The following XKR4 variants were observed in gnomAD, a reference collection of about 807,000 sequenced individuals.
XKR4 encodes the protein XK-related protein 4.
Under a neutral mutation model 53.9 loss-of-function variants are expected in XKR4, and 12 were observed. The ratio of observed to expected loss-of-function variants is 0.22; its 90% CI spans 0.14 to 0.36. XKR4 has a LOEUF of 0.36. Among genes scored for constraint, XKR4 ranks in the 10% least tolerant of loss-of-function variants. XKR4 has a pLI of 1.00. For missense variants in XKR4, 799 were observed against 859.5 expected, an observed-to-expected ratio of 0.93 and a Z score of 0.88; for synonymous variants, 354 against 362.4, an observed-to-expected ratio of 0.98 and a Z score of 0.26.
chr8:55,386,669 G>A (rs1227729379), intron 2 of XKR4, among the ~76,000 whole-genome samples: 1 of 152,198 alleles, frequency 6.6e-6, no homozygotes. Flanking sequence ...TAGCGAAGAG[G>A]AGATAAGTCT....
At chr8:55,492,222 G>A (rs528609984) in intron 2 of XKR4, among the ~76,000 whole-genome samples, 4 of 152,120 alleles carry the variant, frequency 2.6e-5, no homozygotes, top group African/African-American at 9.6e-5. Flanking sequence ...ATTTTTTCCA[G>A]TTGTCTAGTT....
intron 1 of XKR4, among the ~76,000 whole-genome samples, chr8:55,188,421 C>T (rs189199338): frequency 3.6e-4 from 55 of 152,290 alleles, no homozygotes; most frequent in Admixed American, 5.9e-4. Flanking sequence ...TAATAATCCA[C>T]AATTTGTCCA....
chr8:55,120,876 C>T (rs533994419), intron 1 of XKR4, among the ~76,000 whole-genome samples: 1 of 152,312 alleles, frequency 6.6e-6, no homozygotes, highest in Admixed American at 6.5e-5. Context: ...TTCACCTTCC[C>T]TCCATCCCCA....
At position 55,523,559 on chromosome 8, in the gene XKR4, G is replaced by A; in HGVS notation, c.1285G>A (p.Glu429Lys). 1 of 1,614,082 alleles carries A rather than the reference G, an allele frequency of 6.2e-7. No homozygotes were observed. ...CETEFCITKW[E>K]EIVFDMVVGI... is the part of the protein sequence containing the mutation. ...GACAGAATTCTGTATCACCAAATGG[G>A]AAGAGATTGTGTTCGACATGGTGGT... Residue 429 changes from glutamate to lysine, a missense_variant, in exon 3 of 3, where the codon GAA (glutamate) becomes AAA (lysine). Transcript: ENST00000327381.
intron 2 of XKR4, among the ~76,000 whole-genome samples, chr8:55,487,532 T>A (rs1303495245): frequency 6.6e-6 from 1 of 150,926 alleles, no homozygotes; most frequent in Non-Finnish European, 1.5e-5. Flanking sequence ...AGCGGAACAA[T>A]CCTGGCTCAC....
chr8:55,477,384 T>A (rs928469162), intron 2 of XKR4, among the ~76,000 whole-genome samples: 2 of 151,954 alleles, frequency 1.3e-5, no homozygotes, highest in African/African-American at 4.8e-5. Context: ...AGAAAGTACA[T>A]CCACACCAAA....
intron 1 of XKR4, among the ~76,000 whole-genome samples, chr8:55,224,553 A>G (rs1817927202): frequency 6.6e-6 from 1 of 152,190 alleles, no homozygotes; most frequent in Non-Finnish European, 1.5e-5. Context: ...CTCCTTTAAA[A>G]ATAGAACTTC....
At chr8:55,485,954 C>T (rs776606979) in intron 2 of XKR4, among the ~76,000 whole-genome samples, 1 of 152,138 alleles carries the variant, frequency 6.6e-6, no homozygotes, top group Non-Finnish European at 1.5e-5. Context: ...TCTTAAAAAG[C>T]ATTTATTTAC....
intron 1 of XKR4, among the ~76,000 whole-genome samples, chr8:55,312,514 A>G (rs928463320): frequency 8.5e-5 from 13 of 152,172 alleles, no homozygotes; most frequent in African/African-American, 2.7e-4. Flanking sequence ...TGGGATCCCA[A>G]TTTAGCACTT....
At chr8:55,389,409 G>C (rs554759380) in intron 2 of XKR4, among the ~76,000 whole-genome samples, 1 of 152,044 alleles carries the variant, frequency 6.6e-6, no homozygotes, top group African/African-American at 2.4e-5. Flanking sequence ...TGTTCAGAAG[G>C]CCCCAGATTA....
Position 55,524,020 on chromosome 8 carries a change from C to A in XKR4, c.1746C>A (p.Thr582=), listed in dbSNP as rs758127442. The A allele has an allele frequency of 2.5e-6, 4 of 1,614,052 alleles. No homozygotes were observed. Among genetic ancestry groups the A allele is most frequent in the African/African-American group, 1.3e-5 (1 of 74,908 alleles). ...AAGTGAGGCCCACTGCCCCATCCAC[C>A]CCATCATCTCGCCCACCACGGATTG... ...VFQVRPTAPS[T]PSSRPPRIEE... is the part of the protein sequence containing the mutation. The change falls in exon 3 of 3, where the codon ACC becomes ACA. Residue 582 remains threonine (T), a synonymous_variant. Transcript: ENST00000327381.
intron 1 of XKR4, among the ~76,000 whole-genome samples, chr8:55,111,474 T>C (rs139851026): frequency 1.0e-3 from 154 of 152,276 alleles, no homozygotes; most frequent in African/African-American, 3.5e-3. Context: ...CAAGGGACTT[T>C]CCAGGGTTGA....
chr8:55,221,366 G>T, intron 1 of XKR4, among the ~76,000 whole-genome samples: 1 of 152,186 alleles, frequency 6.6e-6, no homozygotes, highest in East Asian at 1.9e-4. Flanking sequence ...TTGTCGCTAA[G>T]AAAGTCAATG....
At chr8:55,464,297 C>T (rs553610830) in intron 2 of XKR4, among the ~76,000 whole-genome samples, 1 of 152,250 alleles carries the variant, frequency 6.6e-6, no homozygotes, top group South Asian at 2.1e-4. Flanking sequence ...TGGGCTTCAT[C>T]CCTGGGATGC....
chr8:55,535,667 G>C lies in XKR4; in HGVS notation c.*11440G>C, dbSNP rs1807021830. The C allele has an allele frequency of 6.6e-6, 1 of 152,218 alleles. No homozygotes were observed. Among genetic ancestry groups the C allele is most frequent in the Non-Finnish European group, 1.5e-5 (1 of 68,094 alleles). 9.4% of individuals were successfully genotyped at this position (152,218 alleles called of 1,614,324 possible). Reference sequence around the variant, plus strand: ...CTATTAATGTAGAGGCCCAAGTATGGTGATGAAGAGAAAACCTGTCAGTGG... The same window carrying C: ...CTATTAATGTAGAGGCCCAAGTATGCTGATGAAGAGAAAACCTGTCAGTGG... On this transcript the variant is annotated 3_prime_UTR_variant, in exon 3 of 3. Coordinates refer to ENST00000327381, the MANE Select transcript of XKR4 (RefSeq NM_052898.2).
intron 2 of XKR4, chr8:55,455,200 C>T (rs1392517167): frequency 1.3e-5 from 6 of 453,428 alleles, no homozygotes; most frequent in African/African-American, 1.2e-4. Flanking sequence ...GCTCATGGCC[C>T]GGGCCTGGCC....
chr8:55,159,705 T>C (rs1318194631), intron 1 of XKR4, among the ~76,000 whole-genome samples: 1 of 152,180 alleles, frequency 6.6e-6, no homozygotes, highest in Non-Finnish European at 1.5e-5. Context: ...AAAGGCAAGA[T>C]AAGATTCCAT....
chr8:55,160,948 G>A (rs1475878556), intron 1 of XKR4, among the ~76,000 whole-genome samples: 3 of 152,222 alleles, frequency 2.0e-5, no homozygotes, highest in Non-Finnish European at 2.9e-5. Flanking sequence ...GGTGGGTGGA[G>A]TTTTTCAAAG....
At chr8:55,161,716 G>A in intron 1 of XKR4, 1 of 436,018 alleles carries the variant, frequency 2.3e-6, no homozygotes, top group Non-Finnish European at 4.6e-6. Context: ...ATTCCTCCAG[G>A]CAGGTGCCAC....
Sources: gnomAD v4.1 joint callset for allele counts (sites outside exome capture counted in the v4.1 genomes callset) on GRCh38, gnomAD v4.1.1 for gene constraint, MANE v1.5 for transcripts, NCBI Gene and HGNC (gene_info 2026-07-23, HGNC 2026-07-21) for gene names.